The following ANKS1A variants were observed in gnomAD, a reference collection of about 807,000 sequenced individuals.
The protein encoded by ANKS1A is ankyrin repeat and SAM domain-containing protein 1A.
Under a neutral mutation model 120.3 loss-of-function variants are expected in ANKS1A, and 55 were observed. The observed-to-expected ratio is 0.46, with a 90% CI of 0.37 to 0.57. The LOEUF is 0.57. Ranked by LOEUF, ANKS1A falls within the 20% of genes least tolerant of loss-of-function variation. The pLI, the probability that ANKS1A is intolerant of heterozygous loss-of-function variation, is 0.00. For missense variants in ANKS1A, 1,123 were observed against 1,480.3 expected (o/e 0.76, Z 3.96); for synonymous variants, 590 against 604.7 (o/e 0.98, Z 0.36).
chr6:34,930,025 A>ATC (rs1437757273), intron 1 of ANKS1A, among the ~76,000 whole-genome samples: 2 of 151,894 alleles, frequency 1.3e-5, no homozygotes, highest in African/African-American at 4.8e-5. Flanking sequence ...CTTTTTAGTT[A>ATC]TCTTTCATCG....
At chr6:34,974,402 ATTCCCC>A (rs1322150218) in intron 3 of ANKS1A, among the ~76,000 whole-genome samples, 12 of 39,580 alleles carry the variant, frequency 3.0e-4, no homozygotes, top group African/African-American at 1.2e-3. Context: ...TTCCCCTTCC[ATTCCCC>A]TTCCCCTTCC....
At chr6:35,040,075 G>C (rs1326709889) in intron 11 of ANKS1A, among the ~76,000 whole-genome samples, 1 of 152,170 alleles carries the variant, frequency 6.6e-6, no homozygotes, top group Non-Finnish European at 1.5e-5. Context: ...CCTTCATAGT[G>C]GGGGTGAGGG....
intron 10 of ANKS1A, among the ~76,000 whole-genome samples, chr6:34,995,036 C>A (rs551987284): frequency 3.3e-5 from 5 of 152,318 alleles, no homozygotes; most frequent in South Asian, 4.1e-4. Context: ...TTGTGTCAAC[C>A]CCTGTTCTAA....
chr6:35,027,142 G>A (rs767209624), intron 11 of ANKS1A, among the ~76,000 whole-genome samples: 1 of 152,212 alleles, frequency 6.6e-6, no homozygotes, highest in Non-Finnish European at 1.5e-5. Flanking sequence ...ACTAAGACCA[G>A]AAGATGGCCA....
At chr6:35,023,583 G>A (rs1561920941) in intron 11 of ANKS1A, 5 of 471,452 alleles carry the variant, frequency 1.1e-5, no homozygotes, top group Non-Finnish European at 1.7e-5. Flanking sequence ...TGAAAGGAGT[G>A]CAGCTGAAAC....
intron 11 of ANKS1A, among the ~76,000 whole-genome samples, chr6:35,036,721 T>C (rs1305282977): frequency 6.6e-6 from 1 of 152,266 alleles, no homozygotes. Flanking sequence ...TTCATGTTGC[T>C]AATGCTAAGT....
intron 9 of ANKS1A, among the ~76,000 whole-genome samples, chr6:34,992,932 G>A (rs537804210): frequency 1.3e-5 from 2 of 152,164 alleles, no homozygotes; most frequent in African/African-American, 2.4e-5. Context: ...GCAAAAACCC[G>A]ATGAACCACA....
chr6:34,896,186 C>T (rs1767075474), intron 1 of ANKS1A, among the ~76,000 whole-genome samples: 1 of 151,854 alleles, frequency 6.6e-6, no homozygotes, highest in Non-Finnish European at 1.5e-5. Flanking sequence ...TCTTGTGCCT[C>T]AGCCTCCTGA....
In ANKS1A at chr6:34,983,319, T is replaced by C. The variant is rs1204945508; in HGVS notation, c.911-5T>C. On this transcript the variant is annotated splice_region_variant and splice_polypyrimidine_tract_variant and intron_variant, in intron 6 of 23. Transcript: ENST00000360359. ...TTATTTTTATTTTTTGATCTTTCCA[T>C]GTAGATCACATGACTGGAAAAAGAA... 2 of 1,613,636 alleles carry C rather than the reference T, an allele frequency of 1.2e-6. No homozygotes were observed. The highest frequency in any genetic ancestry group is 2.2e-5 in the East Asian group (1 of 44,884).
intron 10 of ANKS1A, among the ~76,000 whole-genome samples, chr6:35,013,829 A>G (rs1203971364): frequency 1.3e-5 from 2 of 152,228 alleles, no homozygotes; most frequent in Admixed American, 1.3e-4. Context: ...CATGTACCTT[A>G]TCTTTGATGA....
chr6:34,941,423 A>G (rs1335959059), intron 1 of ANKS1A, among the ~76,000 whole-genome samples: 2 of 151,284 alleles, frequency 1.3e-5, no homozygotes, highest in Non-Finnish European at 2.9e-5. Flanking sequence ...AACGCTTAAT[A>G]TATTATTATT....
intron 1 of ANKS1A, among the ~76,000 whole-genome samples, chr6:34,935,329 C>T (rs1769195385): frequency 6.6e-6 from 1 of 152,248 alleles, no homozygotes; most frequent in Non-Finnish European, 1.5e-5. Flanking sequence ...TCAAGCATTC[C>T]TTCCACCTCA....
intron 12 of ANKS1A, among the ~76,000 whole-genome samples, chr6:35,056,489 C>T (rs1342649512): frequency 6.6e-6 from 1 of 152,106 alleles, no homozygotes; most frequent in African/African-American, 2.4e-5. Context: ...AGGGTTTCAC[C>T]GTGTTAGCCA....
chr6:34,959,035 C>T (rs753114589), intron 1 of ANKS1A, among the ~76,000 whole-genome samples: 4 of 152,168 alleles, frequency 2.6e-5, no homozygotes, highest in Admixed American at 6.5e-5. Context: ...ATTGAGATGC[C>T]ATTACTTGTC....
chr6:35,006,277 T>C (rs939321089), intron 10 of ANKS1A, among the ~76,000 whole-genome samples: 4 of 150,948 alleles, frequency 2.6e-5, no homozygotes, highest in Non-Finnish European at 5.9e-5. Flanking sequence ...GAGAATCGCT[T>C]GAACCCAGGA....
intron 1 of ANKS1A, among the ~76,000 whole-genome samples, chr6:34,916,994 G>A (rs1448231959): frequency 1.3e-5 from 2 of 152,172 alleles, no homozygotes; most frequent in Non-Finnish European, 1.5e-5. Flanking sequence ...TGGTATAATA[G>A]AGTAGAATGG....
Position 34,983,194 on chromosome 6 carries a change from A to G in ANKS1A, c.890A>G (p.Gln297Arg). 1 of 1,614,198 alleles carries G rather than the reference A, an allele frequency of 6.2e-7. No homozygotes were observed. Among genetic ancestry groups the G allele is most frequent in the Non-Finnish European group, 8.5e-7 (1 of 1,180,024 alleles). The change falls in exon 6 of 24, where the codon CAA becomes CGA. Residue 297 changes from glutamine to arginine, a missense_variant. Physicochemically the swap from Gln to Arg is conservative, Grantham distance 43. Transcript: ENST00000360359. ...GAACTGCCTTCTCAAAAGAGCCAGC[A>G]AATAGCAGCATTAATTGAAGGTATC... The part of the protein sequence containing the change: ...VRELPSQKSQ[Q>R]IAALIEDHMT...
chr6:34,947,861 C>A (rs1399487616), intron 1 of ANKS1A, among the ~76,000 whole-genome samples: 1 of 152,108 alleles, frequency 6.6e-6, no homozygotes, highest in Non-Finnish European at 1.5e-5. Flanking sequence ...TATTGGGTGC[C>A]TTTTGAGAAA....
chr6:34,954,090 C>T (rs1038884793), intron 1 of ANKS1A, among the ~76,000 whole-genome samples: 2 of 152,188 alleles, frequency 1.3e-5, no homozygotes, highest in African/African-American at 4.8e-5. Flanking sequence ...ATCCTAATTA[C>T]AGCAGAGAAC....
Sources: gnomAD v4.1 joint callset for allele counts (sites outside exome capture counted in the v4.1 genomes callset) on GRCh38, gnomAD v4.1.1 for gene constraint, MANE v1.5 for transcripts, NCBI Gene and HGNC (gene_info 2026-07-23, HGNC 2026-07-21) for gene names.